The following FBXW7 variants were observed in gnomAD, a reference collection of about 807,000 sequenced individuals.
FBXW7 encodes F-box/WD repeat-containing protein 7.
FBXW7 carries 11 observed loss-of-function variants against 86.3 expected under a neutral mutation model. The observed-to-expected ratio is 0.13, with a 90% CI of 0.08 to 0.21. The LOEUF is 0.21. FBXW7 is among the 10% of genes least tolerant of loss of function. The pLI is 1.00. For missense variants in FBXW7, 488 were observed against 847.4 expected (o/e 0.58, Z 5.27); for synonymous variants, 313 against 297.9 (o/e 1.05, Z -0.52).
intron 2 of FBXW7, among the ~76,000 whole-genome samples, chr4:152,502,144 T>C (rs1298577048): frequency 1.3e-5 from 2 of 152,206 alleles, no homozygotes; most frequent in African/African-American, 4.8e-5. Flanking sequence ...ATATTAGCTA[T>C]TAGCCACATG....
At chr4:152,469,637 C>A (rs1472651996) in intron 2 of FBXW7, among the ~76,000 whole-genome samples, 1 of 152,036 alleles carries the variant, frequency 6.6e-6, no homozygotes, top group African/African-American at 2.4e-5. Context: ...ACTACAAAAT[C>A]TCAAGTAGGG....
chr4:152,370,521 A>C (rs1733916969), intron 4 of FBXW7, among the ~76,000 whole-genome samples: 1 of 151,998 alleles, frequency 6.6e-6, no homozygotes, highest in South Asian at 2.1e-4. Context: ...ATTCCTAATG[A>C]ATGCAAACAT....
intron 2 of FBXW7, among the ~76,000 whole-genome samples, chr4:152,415,827 C>G: frequency 6.6e-6 from 1 of 152,048 alleles, no homozygotes; most frequent in African/African-American, 2.4e-5. Context: ...TTTGTGCTAG[C>G]TATTCCTCTT....
intron 2 of FBXW7, among the ~76,000 whole-genome samples, chr4:152,471,710 G>A (rs1410720682): frequency 1.3e-5 from 2 of 151,922 alleles, no homozygotes; most frequent in Non-Finnish European, 2.9e-5. Context: ...ATTAGTGTGG[G>A]CAACATAGTG....
At chr4:152,374,550 A>C (rs1734308502) in intron 4 of FBXW7, among the ~76,000 whole-genome samples, 1 of 152,080 alleles carries the variant, frequency 6.6e-6, no homozygotes, top group Admixed American at 6.6e-5. Context: ...AGTTTAACAG[A>C]CACTTCAATG....
chr4:152,355,690 C>T (rs1465027852), intron 4 of FBXW7, among the ~76,000 whole-genome samples: 2 of 152,208 alleles, frequency 1.3e-5, no homozygotes, highest in East Asian at 3.9e-4. Context: ...ACAATAAGGT[C>T]CTGGAATAAA....
intron 5 of FBXW7, 149 bp downstream of exon 5, chr4:152,349,893 T>C: frequency 5.0e-6 from 2 of 402,826 alleles, no homozygotes; most frequent in African/African-American, 2.1e-5. Context: ...TTTAAAATGA[T>C]ATAGTTCTCA....
intron 2 of FBXW7, among the ~76,000 whole-genome samples, chr4:152,485,067 A>G (rs1174894733): frequency 1.3e-5 from 2 of 152,030 alleles, no homozygotes; most frequent in Non-Finnish European, 2.9e-5. Flanking sequence ...AAAATACCAA[A>G]AAGACTGGGA....
chr4:152,347,582 CTATAA>C (rs1731392548), intron 5 of FBXW7, among the ~76,000 whole-genome samples: 1 of 152,066 alleles, frequency 6.6e-6, no homozygotes, highest in Non-Finnish European at 1.5e-5. Context: ...TCAAAATTGT[CTATAA>C]TATTTCTAAT....
chr4:152,375,867 A>G (rs1734456645), intron 4 of FBXW7, among the ~76,000 whole-genome samples: 1 of 151,866 alleles, frequency 6.6e-6, no homozygotes, highest in Admixed American at 6.6e-5. Context: ...AACTACTTGT[A>G]GAAATCTGTG....
At chr4:152,462,849 C>T (rs1743074963) in intron 2 of FBXW7, among the ~76,000 whole-genome samples, 1 of 151,948 alleles carries the variant, frequency 6.6e-6, no homozygotes. Context: ...ATTTCTATTC[C>T]TTCCACCAAG....
intron 2 of FBXW7, among the ~76,000 whole-genome samples, chr4:152,445,438 G>A (rs1233931365): frequency 2.0e-5 from 3 of 152,226 alleles, no homozygotes; most frequent in Non-Finnish European, 2.9e-5. Flanking sequence ...AATCCGAAGC[G>A]CTTCAATGAG....
At chr4:152,424,775 G>A (rs1196230556) in intron 2 of FBXW7, among the ~76,000 whole-genome samples, 1 of 152,202 alleles carries the variant, frequency 6.6e-6, no homozygotes, top group Non-Finnish European at 1.5e-5. Context: ...ATGCTGCTAA[G>A]GATCTAGAGT....
At chr4:152,431,978 G>C (rs900796397) in intron 2 of FBXW7, among the ~76,000 whole-genome samples, 2 of 152,194 alleles carry the variant, frequency 1.3e-5, no homozygotes, top group Non-Finnish European at 2.9e-5. Context: ...TGATTGTGTA[G>C]AGGCTCCCTG....
At chr4:152,333,945 T>C (rs2126558901) in intron 7 of FBXW7, among the ~76,000 whole-genome samples, 1 of 152,116 alleles carries the variant, frequency 6.6e-6, no homozygotes, top group South Asian at 2.1e-4. Context: ...TCCCAGCTAC[T>C]CAGGAGGCTG....
intron 4 of FBXW7, chr4:152,352,681 C>T (rs1351887748): frequency 1.9e-6 from 3 of 1,613,876 alleles, no homozygotes; most frequent in Non-Finnish European, 2.5e-6. Context: ...CAAAACTCCA[C>T]AGTAAAGGCA....
At chr4:152,336,589 C>T (rs1269838604) in intron 7 of FBXW7, among the ~76,000 whole-genome samples, 2 of 151,956 alleles carry the variant, frequency 1.3e-5, no homozygotes, top group East Asian at 3.9e-4. Context: ...TTATTAATGC[C>T]CTTCTGGAAG....
chr4:152,434,099 G>A (rs1437106505), intron 2 of FBXW7, among the ~76,000 whole-genome samples: 1 of 152,116 alleles, frequency 6.6e-6, no homozygotes, highest in Non-Finnish European at 1.5e-5. Flanking sequence ...TTGCATATAT[G>A]TTGGTTCTGC....
intron 2 of FBXW7, among the ~76,000 whole-genome samples, chr4:152,463,267 C>T (rs1011325635): frequency 1.3e-5 from 2 of 151,352 alleles, no homozygotes; most frequent in Non-Finnish European, 2.9e-5. Context: ...CCAGCCTGGG[C>T]GACACAGTGA....
Sources: allele counts gnomAD v4.1 joint callset (sites outside exome capture counted in the v4.1 genomes callset), GRCh38; gene constraint gnomAD v4.1.1; transcripts MANE v1.5; gene names NCBI Gene and HGNC (gene_info 2026-07-23, HGNC 2026-07-21).